Variants in DGUOK observed in about 807,000 individuals in gnomAD.
DGUOK encodes the protein deoxyguanosine kinase, mitochondrial.
A neutral mutation model predicts 36.6 loss-of-function variants in DGUOK; 30 were observed. That is an observed-to-expected ratio of 0.82 (90% CI 0.61 to 1.11). DGUOK has a LOEUF of 1.11. Ranked by LOEUF, DGUOK falls within the 50% of genes most tolerant of loss-of-function variation. The probability of loss-of-function intolerance (pLI) is 0.00; values close to 1 mark genes in which losing one functional copy is unlikely to be tolerated. For missense variants in DGUOK, 361 were observed against 336.4 expected (o/e 1.07, Z -0.57); for synonymous variants, 145 against 126.3 (o/e 1.15, Z -0.99).
chr2:73,945,344 T>G (rs7562212), intron 2 of DGUOK, among the ~76,000 whole-genome samples: 1 of 151,990 alleles, frequency 6.6e-6, no homozygotes, highest in African/African-American at 2.4e-5. Context: ...CTCTTCCTTT[T>G]TGCACTGTGA....
intron 2 of DGUOK, among the ~76,000 whole-genome samples, chr2:73,942,953 G>T (rs1197901270): frequency 1.3e-5 from 2 of 152,042 alleles, no homozygotes; most frequent in African/African-American, 4.8e-5. Flanking sequence ...TAAACAAGGG[G>T]TTTTTCTTTT....
In DGUOK at chr2:73,950,585, G is replaced by C; in HGVS notation, c.444G>C (p.Arg148Ser). ...QIFERSVYSD[R>S]YIFAKNLFEN... ...CCATTCCCATCCCACTTCCAACCAGGTATATCTTTGCAAAGAATCTTTTTG... is the reference window on the plus strand; with the variant it reads ...CCATTCCCATCCCACTTCCAACCAGCTATATCTTTGCAAAGAATCTTTTTG... The change falls in exon 4 of 7, where the codon AGG (arginine) becomes AGC (serine). Residue 148 changes from arginine to serine, a missense_variant and splice_region_variant. Transcript: ENST00000264093. 6.2e-7 allele frequency: 1 copy of C among 1,613,908 alleles called. No individual in the cohort carries two copies. The highest frequency in any genetic ancestry group is 2.2e-5 in the East Asian group (1 of 44,874).
rs1682341669 is a variant in DGUOK at position 73,946,732 on chromosome 2, A to G, written c.269A>G (p.Gln90Arg). 2 of 1,614,072 alleles carry G rather than the reference A, an allele frequency of 1.2e-6. No homozygotes were observed. The highest frequency in any genetic ancestry group is 1.7e-6 in the Non-Finnish European group (2 of 1,180,014). The change falls in exon 3 of 7, where the codon CAA (glutamine) becomes CGA (arginine). Residue 90 changes from glutamine to arginine, a missense_variant. By Grantham distance (43) the Gln-to-Arg change is conservative (BLOSUM62 1). Transcript: ENST00000264093. ...ATCTCCCTCTAGGCCTGCACTGCCC[A>G]AAGTCTTGGAAACTTGCTGGATATG... is the stretch of plus-strand genomic sequence containing the variant. ...AAGTQKACTA[Q>R]SLGNLLDMMY...
At chr2:73,932,118 A>G (rs1420599359) in intron 1 of DGUOK, among the ~76,000 whole-genome samples, 1 of 152,150 alleles carries the variant, frequency 6.6e-6, no homozygotes, top group Non-Finnish European at 1.5e-5. Context: ...GAGATTTCAG[A>G]TGTGGAAGTT....
intron 1 of DGUOK, among the ~76,000 whole-genome samples, chr2:73,935,204 G>A (rs1393994040): frequency 6.6e-6 from 1 of 152,196 alleles, no homozygotes; most frequent in African/African-American, 2.4e-5. Context: ...TCACACCACT[G>A]CACTCCAGCC....
chr2:73,953,290 ATCGTCGTCG>A lies in DGUOK; in HGVS notation c.591+2576_591+2584del, dbSNP rs70965773. ...GATGATGATGATGATCATCATCATCATCGTCGTCGTCGTCGTCGTCGTCGTCACTTGGGG... is the reference window on the plus strand; with the variant it reads ...GATGATGATGATGATCATCATCATCATCGTCGTCGTCGTCGTCACTTGGGG... On this transcript the variant is annotated intron_variant, in intron 4 of 6. Transcript: ENST00000264093. 1.7e-3 allele frequency among the ~76,000 whole-genome samples: 246 copies of A among 140,704 alleles called. 1 individual carries two copies. Among genetic ancestry groups the A allele is most frequent in the South Asian group, 5.4e-3 (23 of 4,272 alleles). 92.3% of individuals were successfully genotyped at this position (140,704 alleles called of 152,430 possible). A position where few individuals can be genotyped will look rare whatever the true frequency, so the allele number is the denominator to read the frequency against.
chr2:73,954,316 C>T (rs1380797243), intron 4 of DGUOK, among the ~76,000 whole-genome samples: 1 of 152,072 alleles, frequency 6.6e-6, no homozygotes, highest in Non-Finnish European at 1.5e-5. Context: ...GCATTTCAGC[C>T]TAGGCCACAA....
intron 2 of DGUOK, among the ~76,000 whole-genome samples, chr2:73,941,502 T>C (rs1681900713): frequency 6.6e-6 from 1 of 152,234 alleles, no homozygotes; most frequent in Non-Finnish European, 1.5e-5. Context: ...CATAAATGTA[T>C]AAAATATATA....
chr2:73,947,140 T>C, intron 3 of DGUOK: 1 of 551,548 alleles, frequency 1.8e-6, no homozygotes, highest in Non-Finnish European at 3.3e-6. Context: ...ATTTCTTACA[T>C]TGCTACTGAT....
At chr2:73,932,445 C>T (rs1157637231) in intron 1 of DGUOK, among the ~76,000 whole-genome samples, 1 of 152,178 alleles carries the variant, frequency 6.6e-6, no homozygotes, top group Non-Finnish European at 1.5e-5. Context: ...ATTGCTGACA[C>T]CTAACCCCCG....
intron 4 of DGUOK, among the ~76,000 whole-genome samples, chr2:73,953,719 CT>C (rs386390474): frequency 7.8e-4 from 75 of 95,784 alleles, no homozygotes; most frequent in South Asian, 4.8e-3. Context: ...TCCCTAACTT[CT>C]TTTTTTTTTT....
chr2:73,956,992 AGACAGC>A, intron 4 of DGUOK, 127 bp from the exon 5 acceptor site: 1 of 600,566 alleles, frequency 1.7e-6, no homozygotes, highest in Non-Finnish European at 3.1e-6. Context: ...TAAGAAAACA[AGACAGC>A]AGAAGCAAAG....
At chr2:73,948,351 A>G (rs1167473384) in intron 3 of DGUOK, among the ~76,000 whole-genome samples, 9 of 152,244 alleles carry the variant, frequency 5.9e-5, no homozygotes, top group Admixed American at 5.2e-4. Context: ...AGCTGCATGG[A>G]TCTTAACCTT....
chr2:73,949,325 C>T (rs1682550747), intron 3 of DGUOK, among the ~76,000 whole-genome samples: 1 of 152,190 alleles, frequency 6.6e-6, no homozygotes, highest in Non-Finnish European at 1.5e-5. Flanking sequence ...TAAAATGTTA[C>T]CCTTTTATTT....
chr2:73,956,401 CTGG>C (rs1683093366), intron 4 of DGUOK, among the ~76,000 whole-genome samples: 1 of 152,182 alleles, frequency 6.6e-6, no homozygotes, highest in African/African-American at 2.4e-5. Context: ...GCTTTGAACC[CTGG>C]GGCTATGGCT....
At chr2:73,931,586 G>A (rs544352183) in intron 1 of DGUOK, among the ~76,000 whole-genome samples, 1 of 152,214 alleles carries the variant, frequency 6.6e-6, no homozygotes, top group Non-Finnish European at 1.5e-5. Flanking sequence ...TATCCTGTTG[G>A]CAGTGGGAGG....
intron 4 of DGUOK, among the ~76,000 whole-genome samples, chr2:73,953,302 G>A (rs75395242): frequency 0.57 from 83,476 of 146,846 alleles, 24,102 homozygotes; most frequent in South Asian, 0.6. Flanking sequence ...CGTCGTCGTC[G>A]TCGTCGTCGT....
At chr2:73,950,758 C>G (rs1353590410) in intron 4 of DGUOK, 26 bp downstream of exon 4, 2 of 1,613,978 alleles carry the variant, frequency 1.2e-6, no homozygotes, top group Admixed American at 3.3e-5. Flanking sequence ...CAACCTTAGA[C>G]TTTAGGGCCA....
Position 73,957,197 on chromosome 2 carries a change from C to G in DGUOK, c.664C>G (p.Leu222Val). ...KGIELAYLEQ[L>V]HGQHEAWLIH... is the part of the protein sequence containing the mutation. ...AATTGAGCTGGCCTATCTAGAGCAG[C>G]TGCATGGCCAACACGAAGCCTGGCT... Residue 222 changes from leucine (L) to valine (V), a missense_variant, in exon 5 of 7, where the codon CTG becomes GTG. By Grantham distance (32) the Leu-to-Val change is conservative (BLOSUM62 1). Transcript: ENST00000264093. 2 of 1,614,162 alleles carry G rather than the reference C, an allele frequency of 1.2e-6. No individual in the cohort carries two copies. The highest frequency in any genetic ancestry group is 1.7e-6 in the Non-Finnish European group (2 of 1,180,020).
Sources: gnomAD v4.1 joint callset for allele counts (sites outside exome capture counted in the v4.1 genomes callset) on GRCh38, gnomAD v4.1.1 for gene constraint, MANE v1.5 for transcripts, NCBI Gene and HGNC (gene_info 2026-07-23, HGNC 2026-07-21) for gene names.